PEX5L: variants seen among roughly 807,000 people sequenced by gnomAD.
PEX5L encodes PEX5-related protein.
Under a neutral mutation model 84.0 loss-of-function variants are expected in PEX5L, and 30 were observed. That is an observed-to-expected ratio of 0.36 (90% CI 0.27 to 0.48). The LOEUF is 0.48. Among genes scored for constraint, PEX5L ranks in the 20% least tolerant of loss-of-function variants. The probability of loss-of-function intolerance (pLI) is 0.99; values close to 1 mark genes in which losing one functional copy is unlikely to be tolerated. For synonymous variants in PEX5L, 270 were observed against 283.1 expected (o/e 0.95, Z 0.46); for missense variants, 533 against 754.6 (o/e 0.71, Z 3.44).
chr3:179,982,459 G>C (rs1251892074), intron 1 of PEX5L, among the ~76,000 whole-genome samples: 1 of 151,960 alleles, frequency 6.6e-6, no homozygotes, highest in East Asian at 1.9e-4. Flanking sequence ...TTCTTCTTTA[G>C]AAATCAAATC....
intron 2 of PEX5L, chr3:179,922,033 A>AC (rs144795534): frequency 0.06 from 9,067 of 149,892 alleles, 351 homozygotes; most frequent in South Asian, 0.12. Flanking sequence ...TCCTCTCCTC[A>AC]CCCCCCCACC....
intron 1 of PEX5L, among the ~76,000 whole-genome samples, chr3:179,986,397 ATTTTTTTTTTT>A (rs11344304): frequency 9.0e-6 from 1 of 111,096 alleles, no homozygotes; most frequent in Non-Finnish European, 1.7e-5. Flanking sequence ...CCATTTAGTA[ATTTTTTTTTTT>A]TTTTTTTTTT....
chr3:179,902,720 C>T (rs2109047046), intron 2 of PEX5L: 1 of 455,832 alleles, frequency 2.2e-6, no homozygotes, highest in Admixed American at 2.4e-5. Flanking sequence ...TCCACAGTTA[C>T]ACAGGCCACT....
intron 2 of PEX5L, among the ~76,000 whole-genome samples, chr3:179,930,303 C>T (rs991660957): frequency 6.6e-6 from 1 of 152,186 alleles, no homozygotes; most frequent in African/African-American, 2.4e-5. Context: ...AACTTCCTTT[C>T]CAGAGGCTTA....
chr3:179,996,531 G>C (rs897637637), intron 1 of PEX5L, among the ~76,000 whole-genome samples: 1 of 152,168 alleles, frequency 6.6e-6, no homozygotes, highest in African/African-American at 2.4e-5. Flanking sequence ...AAAAGCTTAG[G>C]GAGATTGGGA....
chr3:179,978,854 G>A (rs1204488822), intron 1 of PEX5L, among the ~76,000 whole-genome samples: 1 of 152,164 alleles, frequency 6.6e-6, no homozygotes, highest in Non-Finnish European at 1.5e-5. Flanking sequence ...TCAGTCAAAA[G>A]CTAGTGAGCA....
chr3:179,810,261 C>T (rs1723278865), intron 11 of PEX5L, among the ~76,000 whole-genome samples: 1 of 151,938 alleles, frequency 6.6e-6, no homozygotes, highest in Admixed American at 6.6e-5. Flanking sequence ...CCTGTCTCAG[C>T]CTCCCAAAAT....
chr3:179,847,137 T>C (rs1577540796), intron 8 of PEX5L, among the ~76,000 whole-genome samples: 1 of 151,590 alleles, frequency 6.6e-6, no homozygotes, highest in Admixed American at 6.6e-5. Context: ...ATAGGAGATA[T>C]GTCTGTATAT....
chr3:179,957,499 T>A (rs1780877273), intron 2 of PEX5L, among the ~76,000 whole-genome samples: 1 of 152,154 alleles, frequency 6.6e-6, no homozygotes, highest in Admixed American at 6.5e-5. Flanking sequence ...GGGCATGCAG[T>A]GACACTGGAC....
At chr3:179,889,192 C>A (rs1756858491) in intron 3 of PEX5L, among the ~76,000 whole-genome samples, 1 of 152,150 alleles carries the variant, frequency 6.6e-6, no homozygotes, top group African/African-American at 2.4e-5. Context: ...ACTCTACTCA[C>A]CTTCGCTACA....
At chr3:179,837,958 T>C (rs915251238) in intron 8 of PEX5L, among the ~76,000 whole-genome samples, 5 of 152,292 alleles carry the variant, frequency 3.3e-5, no homozygotes, top group African/African-American at 4.8e-5. Context: ...CTGATGGCCA[T>C]AGAGTAGTCT....
At chr3:179,973,500 T>G (rs900721267) in intron 1 of PEX5L, 1 of 960,946 alleles carries the variant, frequency 1.0e-6, no homozygotes, top group Non-Finnish European at 1.2e-6. Flanking sequence ...TGTTCCCATT[T>G]AATGTTTTAA....
intron 2 of PEX5L, among the ~76,000 whole-genome samples, chr3:179,968,670 C>T (rs901554313): frequency 2.7e-5 from 4 of 150,846 alleles, no homozygotes; most frequent in Non-Finnish European, 4.4e-5. Context: ...ACTCTGACCC[C>T]AGTGTGATAC....
At chr3:179,908,513 C>T (rs1020048011) in intron 2 of PEX5L, among the ~76,000 whole-genome samples, 1 of 152,170 alleles carries the variant, frequency 6.6e-6, no homozygotes, top group Non-Finnish European at 1.5e-5. Context: ...TACATGTGCA[C>T]AACGTGCAGG....
rs1717257079 is a variant in PEX5L, at chr3:179,797,085, T to C, written c.*4743A>G. 6.6e-6 allele frequency: 1 copy of C among 151,390 alleles called. No homozygotes were observed. The allele number at this position is 151,390 out of a possible 1,614,324, so 9.4% of individuals were successfully genotyped here. A position where few individuals can be genotyped will look rare whatever the true frequency, so the allele number is the denominator to read the frequency against. On this transcript the variant is annotated 3_prime_UTR_variant, in exon 15 of 15. Coordinates refer to ENST00000467460, the MANE Select transcript of PEX5L (RefSeq NM_016559.3). ...GAAATGCATTATTAAGAATTTAAAG[T>C]CGAAACCTTTATGTGCTGAGGCAGT...
intron 2 of PEX5L, among the ~76,000 whole-genome samples, chr3:179,937,214 T>A (rs1277367815): frequency 1.3e-5 from 2 of 152,164 alleles, no homozygotes; most frequent in Non-Finnish European, 2.9e-5. Flanking sequence ...TGTTTTATAT[T>A]TAGGGAACTG....
chr3:179,995,072 C>G (rs2110391211), intron 1 of PEX5L, among the ~76,000 whole-genome samples: 1 of 146,118 alleles, frequency 6.8e-6, no homozygotes, highest in Non-Finnish European at 1.5e-5. Context: ...ATATATATAG[C>G]ATAGAGAGTA....
rs1198672785 is a variant in PEX5L at position 179,819,840 on chromosome 3, A to G, written c.939+20T>C. On this transcript the variant is annotated intron_variant, in intron 9 of 14. Coordinates refer to ENST00000467460, the MANE Select transcript of PEX5L (RefSeq NM_016559.3). ...AGGTGGAGAAAAGTAGTCAGCATGT[A>G]TAGGAACAGAATTGGTTACCTTCTC... The G allele has an allele frequency of 6.2e-7, 1 of 1,610,574 alleles. No homozygotes were observed. The highest frequency in any genetic ancestry group is 8.5e-7 in the Non-Finnish European group (1 of 1,176,870).
intron 8 of PEX5L, among the ~76,000 whole-genome samples, chr3:179,841,429 C>G (rs1737241502): frequency 6.6e-6 from 1 of 152,160 alleles, no homozygotes; most frequent in Non-Finnish European, 1.5e-5. Context: ...AGGTGAATCC[C>G]TTCTATAGGC....
Sources: allele counts gnomAD v4.1 joint callset (sites outside exome capture counted in the v4.1 genomes callset), GRCh38; gene constraint gnomAD v4.1.1; transcripts MANE v1.5; gene names NCBI Gene and HGNC (gene_info 2026-07-23, HGNC 2026-07-21).